The following CNTNAP2 variants were observed in gnomAD, a reference collection of about 807,000 sequenced individuals.
CNTNAP2 encodes the protein contactin associated protein 2.
CNTNAP2 carries 98 observed loss-of-function variants against 155.2 expected under a neutral mutation model. The observed-to-expected ratio is 0.63, with a 90% confidence interval of 0.54 to 0.75. The LOEUF (loss-of-function observed/expected upper bound fraction) is 0.75. Ranked by LOEUF, CNTNAP2 falls within the 30% of genes least tolerant of loss-of-function variation. The pLI is 0.00. For missense variants in CNTNAP2, 1,727 were observed against 1,688.1 expected (o/e 1.02, Z -0.40); for synonymous variants, 651 against 631.2 (o/e 1.03, Z -0.47).
At chr7:148,124,100 T>TA (rs1804662498) in intron 16 of CNTNAP2, among the ~76,000 whole-genome samples, 1 of 151,996 alleles carries the variant, frequency 6.6e-6, no homozygotes, top group South Asian at 2.1e-4. Flanking sequence ...ATACAGGAGA[T>TA]AAAGGGACTG....
At chr7:147,768,451 T>G (rs1797416681) in intron 13 of CNTNAP2, among the ~76,000 whole-genome samples, 2 of 152,136 alleles carry the variant, frequency 1.3e-5, no homozygotes, top group Non-Finnish European at 2.9e-5. Flanking sequence ...TAGAGCATAA[T>G]TTGGGCTTAA....
chr7:148,219,436 G>A (rs865794366), intron 19 of CNTNAP2, among the ~76,000 whole-genome samples: 34 of 152,176 alleles, frequency 2.2e-4, no homozygotes, highest in Non-Finnish European at 3.7e-4. Flanking sequence ...GCTCATGCCT[G>A]TAATCCCAGC....
At chr7:148,235,004 C>A (rs1475193524) in intron 20 of CNTNAP2, among the ~76,000 whole-genome samples, 1 of 152,096 alleles carries the variant, frequency 6.6e-6, no homozygotes, top group Non-Finnish European at 1.5e-5. Context: ...TTTCTGCAAG[C>A]AAAATAAGGC....
intron 1 of CNTNAP2, among the ~76,000 whole-genome samples, chr7:146,477,918 C>T (rs762447080): frequency 9.2e-5 from 14 of 152,074 alleles, no homozygotes; most frequent in Middle Eastern, 6.8e-3. Flanking sequence ...TGCATTCTAC[C>T]GTCCTCCACA....
At chr7:147,874,924 G>T (rs1799397462) in intron 13 of CNTNAP2, among the ~76,000 whole-genome samples, 1 of 152,158 alleles carries the variant, frequency 6.6e-6, no homozygotes, top group African/African-American at 2.4e-5. Context: ...TATCAAGAGT[G>T]ACCTTTCCTC....
chr7:147,858,946 C>T (rs1048640374), intron 13 of CNTNAP2, among the ~76,000 whole-genome samples: 13 of 152,128 alleles, frequency 8.5e-5, no homozygotes, highest in African/African-American at 1.9e-4. Flanking sequence ...TAATTTGTTT[C>T]GGCAACCCTG....
Position 147,229,369 on chromosome 7 carries a change from G to A in CNTNAP2, c.1349-70772G>A, listed in dbSNP as rs1434708216. Among the ~76,000 whole-genome samples, 4 of 152,152 alleles carry A rather than the reference G, an allele frequency of 2.6e-5. No individual in the cohort carries two copies. The East Asian group carries it at 7.7e-4, about 29-fold the overall frequency. ...GGTTTTGAATCAATAAAAGCATTGA[G>A]GATGTGGCAGTTGAGCAGATGGGTG... is the stretch of plus-strand genomic sequence containing the variant. On this transcript the variant is annotated intron_variant, in intron 8 of 23. Coordinates refer to ENST00000361727, the MANE Select transcript of CNTNAP2 (RefSeq NM_014141.6).
intron 12 of CNTNAP2, among the ~76,000 whole-genome samples, chr7:147,562,501 G>C (rs1800083609): frequency 6.6e-6 from 1 of 152,100 alleles, no homozygotes; most frequent in African/African-American, 2.4e-5. Flanking sequence ...TTTAAAATCA[G>C]CATGTAGGGG....
chr7:147,885,799 C>T (rs1799591538), intron 13 of CNTNAP2, among the ~76,000 whole-genome samples: 1 of 152,192 alleles, frequency 6.6e-6, no homozygotes, highest in Non-Finnish European at 1.5e-5. Flanking sequence ...CTGCTAGAAG[C>T]TGGAGTACAG....
At chr7:146,461,618 G>GGTGAATT (rs1796638925) in intron 1 of CNTNAP2, among the ~76,000 whole-genome samples, 1 of 152,124 alleles carries the variant, frequency 6.6e-6, no homozygotes, top group Non-Finnish European at 1.5e-5. Context: ...GACAAGAATA[G>GGTGAATT]GTGAATTGTC....
At chr7:146,293,187 T>C (rs1269250140) in intron 1 of CNTNAP2, among the ~76,000 whole-genome samples, 1 of 152,090 alleles carries the variant, frequency 6.6e-6, no homozygotes, top group East Asian at 1.9e-4. Context: ...CAGTGAAAAG[T>C]CTTCATATAG....
chr7:146,324,502 T>C (rs1448406769), intron 1 of CNTNAP2, among the ~76,000 whole-genome samples: 1 of 152,182 alleles, frequency 6.6e-6, no homozygotes, highest in Admixed American at 6.5e-5. Context: ...CAGTATCTGG[T>C]ACTTTTCTCT....
At chr7:146,616,594 T>TC (rs1799228563) in intron 1 of CNTNAP2, among the ~76,000 whole-genome samples, 1 of 152,108 alleles carries the variant, frequency 6.6e-6, no homozygotes, top group Non-Finnish European at 1.5e-5. Flanking sequence ...GAATTTATAG[T>TC]CAAAAAAAAG....
intron 1 of CNTNAP2, among the ~76,000 whole-genome samples, chr7:146,535,801 G>T (rs1007895548): frequency 6.6e-6 from 1 of 151,676 alleles, no homozygotes. Context: ...ATTGTCTATT[G>T]TTCCCGTATT....
chr7:146,424,478 C>T (rs527716954), intron 1 of CNTNAP2, among the ~76,000 whole-genome samples: 3 of 152,110 alleles, frequency 2.0e-5, no homozygotes, highest in Non-Finnish European at 4.4e-5. Flanking sequence ...GAAATCTTGC[C>T]CAAGATTAGA....
At chr7:146,968,110 A>G (rs1330784181) in intron 3 of CNTNAP2, among the ~76,000 whole-genome samples, 2 of 151,152 alleles carry the variant, frequency 1.3e-5, no homozygotes, top group South Asian at 4.2e-4. Context: ...GCTGGATTAC[A>G]TTTATTGATT....
chr7:147,932,836 A>T (rs961962828), intron 14 of CNTNAP2, among the ~76,000 whole-genome samples: 11 of 152,190 alleles, frequency 7.2e-5, no homozygotes, highest in African/African-American at 2.7e-4. Context: ...AATTTCCAAA[A>T]TATATAAGGA....
At chr7:147,599,464 C>T (rs62483179) in intron 12 of CNTNAP2, among the ~76,000 whole-genome samples, 57,710 of 137,170 alleles carry the variant, frequency 0.42, 11,451 homozygotes, top group Admixed American at 0.49. Flanking sequence ...GCCTGGGCAA[C>T]GAGTGAAACT....
At chr7:146,141,613 C>T (rs1446670938) in intron 1 of CNTNAP2, among the ~76,000 whole-genome samples, 8 of 151,958 alleles carry the variant, frequency 5.3e-5, no homozygotes, top group Non-Finnish European at 1.2e-4. Context: ...TAAGATTGTA[C>T]CTTTCAAGAA....
Sources: allele counts gnomAD v4.1 joint callset (sites outside exome capture counted in the v4.1 genomes callset), GRCh38; gene constraint gnomAD v4.1.1; transcripts MANE v1.5; gene names NCBI Gene and HGNC (gene_info 2026-07-23, HGNC 2026-07-21).